TBX15: variants seen among roughly 807,000 people sequenced by gnomAD.
TBX15 encodes the protein T-box transcription factor TBX15.
TBX15 carries 18 observed loss-of-function variants against 53.9 expected under a neutral mutation model. The observed-to-expected ratio is 0.33, with a 90% CI of 0.23 to 0.49. The LOEUF (loss-of-function observed/expected upper bound fraction) is 0.49, where lower values mean the gene tolerates loss of function less well. Ranked by LOEUF, TBX15 falls within the 20% of genes least tolerant of loss-of-function variation. TBX15 has a pLI of 0.98. For missense variants in TBX15, 692 were observed against 749.5 expected (o/e 0.92, Z 0.90); for synonymous variants, 295 against 278.0 (o/e 1.06, Z -0.61).
At chr1:118,942,494 G>A (rs1260576736) in intron 1 of TBX15, among the ~76,000 whole-genome samples, 1 of 152,182 alleles carries the variant, frequency 6.6e-6, no homozygotes, top group Non-Finnish European at 1.5e-5. Flanking sequence ...TCTTCTTCCA[G>A]GAGACAAATA....
intron 1 of TBX15, among the ~76,000 whole-genome samples, chr1:118,932,802 C>G (rs1011423709): frequency 1.3e-5 from 2 of 152,042 alleles, no homozygotes; most frequent in Non-Finnish European, 2.9e-5. Context: ...AGCTTAATGC[C>G]AAGAATTGTG....
intron 1 of TBX15, among the ~76,000 whole-genome samples, chr1:118,984,889 C>T (rs1026372950): frequency 3.3e-5 from 5 of 152,100 alleles, no homozygotes; most frequent in African/African-American, 4.8e-5. Context: ...TGCGGGTGCT[C>T]GGGCGCCAAC....
chr1:118,898,403 C>T (rs1654503147), intron 7 of TBX15, among the ~76,000 whole-genome samples: 1 of 152,090 alleles, frequency 6.6e-6, no homozygotes, highest in South Asian at 2.1e-4. Context: ...CCCATCTGGC[C>T]ACAGGTTTCC....
intron 1 of TBX15, among the ~76,000 whole-genome samples, chr1:118,946,529 G>C (rs1656353089): frequency 6.6e-6 from 1 of 152,116 alleles, no homozygotes; most frequent in African/African-American, 2.4e-5. Context: ...CTATTCTGCT[G>C]TAACAAAATG....
chr1:118,970,784 G>A (rs1657212249), intron 1 of TBX15, among the ~76,000 whole-genome samples: 1 of 152,148 alleles, frequency 6.6e-6, no homozygotes. Context: ...CCCTGTGTTT[G>A]AGGGGTTTTT....
At chr1:118,985,968 CCCCATGTATTA>C (rs1433087579) in intron 1 of TBX15, among the ~76,000 whole-genome samples, 1 of 152,206 alleles carries the variant, frequency 6.6e-6, no homozygotes, top group Non-Finnish European at 1.5e-5. Flanking sequence ...CTAATTATGA[CCCCATGTATTA>C]CCCATTTGAA....
intron 7 of TBX15, among the ~76,000 whole-genome samples, chr1:118,892,063 G>C (rs1335109028): frequency 2.0e-5 from 3 of 152,140 alleles, no homozygotes; most frequent in African/African-American, 7.2e-5. Context: ...TTGTCAAATG[G>C]AAGCTATGGA....
At chr1:118,901,895 C>T (rs1055900857) in intron 6 of TBX15, among the ~76,000 whole-genome samples, 1 of 152,108 alleles carries the variant, frequency 6.6e-6, no homozygotes, top group Non-Finnish European at 1.5e-5. Context: ...AACATGCCAC[C>T]TATGGACACA....
chr1:118,975,227 T>C lies in TBX15; in HGVS notation c.205+12364A>G, dbSNP rs528814667. 6.6e-5 allele frequency among the ~76,000 whole-genome samples: 10 copies of C among 152,332 alleles called. 1 individual carries two copies. In the East Asian group the frequency reaches 1.7e-3, roughly 26 times the overall value. ...GAAACGCAGGTCATGTCGGGAAGGC[T>C]GCACGTGTGCCATTCCAAAGACCAT... On this transcript the variant is annotated intron_variant, in intron 1 of 7. Coordinates refer to ENST00000369429, the MANE Select transcript of TBX15 (RefSeq NM_001330677.2).
intron 1 of TBX15, among the ~76,000 whole-genome samples, chr1:118,968,035 T>C (rs1157884569): frequency 6.6e-6 from 1 of 152,220 alleles, no homozygotes; most frequent in East Asian, 1.9e-4. Flanking sequence ...TTATGACATT[T>C]GTTTGTATAC....
At chr1:118,979,207 CT>C (rs141147792) in intron 1 of TBX15, among the ~76,000 whole-genome samples, 1 of 151,034 alleles carries the variant, frequency 6.6e-6, no homozygotes, top group African/African-American at 2.4e-5. Flanking sequence ...CTTTTTCTTT[CT>C]TTTTTTTTAA....
At chr1:118,961,328 T>A (rs1656864834) in intron 1 of TBX15, among the ~76,000 whole-genome samples, 1 of 152,226 alleles carries the variant, frequency 6.6e-6, no homozygotes, top group Non-Finnish European at 1.5e-5. Flanking sequence ...GTTGAATAAG[T>A]GAATCAACTA....
chr1:118,917,672 T>A (rs1330934894), intron 5 of TBX15, among the ~76,000 whole-genome samples: 1 of 152,182 alleles, frequency 6.6e-6, no homozygotes, highest in Non-Finnish European at 1.5e-5. Flanking sequence ...GCCCATGTCA[T>A]CATCATCTCT....
intron 1 of TBX15, among the ~76,000 whole-genome samples, chr1:118,956,019 T>C (rs960496351): frequency 6.6e-6 from 1 of 152,066 alleles, no homozygotes; most frequent in African/African-American, 2.4e-5. Context: ...GTGCCCCTTA[T>C]AAAAGAGGCC....
At chr1:118,945,800 C>A (rs574675382) in intron 1 of TBX15, among the ~76,000 whole-genome samples, 43 of 152,262 alleles carry the variant, frequency 2.8e-4, no homozygotes, top group African/African-American at 9.6e-4. Flanking sequence ...GGCATTTTGA[C>A]AGGTCAGATA....
intron 1 of TBX15, among the ~76,000 whole-genome samples, chr1:118,946,202 C>T (rs1656343249): frequency 6.6e-6 from 1 of 152,030 alleles, no homozygotes; most frequent in Non-Finnish European, 1.5e-5. Flanking sequence ...ATGACACTTG[C>T]TATACTTGTA....
chr1:118,946,914 A>G (rs940434841), intron 1 of TBX15, among the ~76,000 whole-genome samples: 2 of 152,204 alleles, frequency 1.3e-5, no homozygotes, highest in African/African-American at 4.8e-5. Flanking sequence ...CCTATCTCCC[A>G]GGAAAACATT....
intron 6 of TBX15, among the ~76,000 whole-genome samples, chr1:118,906,148 T>C (rs1654817025): frequency 6.6e-6 from 1 of 152,152 alleles, no homozygotes; most frequent in African/African-American, 2.4e-5. Context: ...TACTTATGAT[T>C]TGAATGGCTA....
chr1:118,987,581 A>G lies in TBX15; in HGVS notation c.205+10T>C, dbSNP rs2101064100. 6.5e-7 allele frequency: 1 copy of G among 1,542,292 alleles called. No individual in the cohort carries two copies. The highest frequency in any genetic ancestry group is 8.7e-7 in the Non-Finnish European group (1 of 1,144,566). On this transcript the variant is annotated intron_variant, in intron 1 of 7. Transcript: ENST00000369429. Reference sequence around the variant, plus strand: ...CGCCCGCCTCCCGCGGTCGGCTGCGACGCACTCACCCGGGTGAGGCTCCAG... The same window carrying G: ...CGCCCGCCTCCCGCGGTCGGCTGCGGCGCACTCACCCGGGTGAGGCTCCAG...
Sources: allele counts gnomAD v4.1 joint callset (sites outside exome capture counted in the v4.1 genomes callset), GRCh38; gene constraint gnomAD v4.1.1; transcripts MANE v1.5; gene names NCBI Gene and HGNC (gene_info 2026-07-23, HGNC 2026-07-21).